Variants in CERS2 observed in about 807,000 individuals in gnomAD.
CERS2 encodes LAG1 homolog, ceramide synthase 2.
A neutral mutation model predicts 56.6 loss-of-function variants in CERS2; 20 were observed. That is an observed-to-expected ratio of 0.35 (90% CI 0.25 to 0.51). CERS2 has a LOEUF of 0.51. Ranked by LOEUF, CERS2 falls within the 20% of genes least tolerant of loss-of-function variation. The probability of loss-of-function intolerance (pLI) is 0.96; values close to 1 mark genes in which losing one functional copy is unlikely to be tolerated. For synonymous variants in CERS2, 187 were observed against 175.4 expected, an observed-to-expected ratio of 1.07 and a Z score of -0.52; for missense variants, 361 against 488.6, an observed-to-expected ratio of 0.74 and a Z score of 2.46.
intron 4 of CERS2, 41 bp from the exon 5 acceptor site, chr1:150,967,918 C>T (rs771969674): frequency 6.5e-7 from 1 of 1,537,620 alleles, no homozygotes; most frequent in Non-Finnish European, 9.0e-7. Context: ...GAGGATAGCA[C>T]AGTCCCCCAG....
intron 1 of CERS2, among the ~76,000 whole-genome samples, chr1:150,972,745 G>A (rs1671214131): frequency 6.6e-6 from 1 of 152,174 alleles, no homozygotes; most frequent in South Asian, 2.1e-4. Context: ...GGCTGGAGAG[G>A]GGCCAGAAGA....
intron 8 of CERS2, 29 bp from the exon 9 acceptor site, chr1:150,966,891 T>C: frequency 6.5e-7 from 1 of 1,548,166 alleles, no homozygotes; most frequent in Non-Finnish European, 8.9e-7. Context: ...TCCATCATCA[T>C]GGGCTCCTGA....
intron 1 of CERS2, among the ~76,000 whole-genome samples, chr1:150,972,594 T>A (rs587748628): frequency 1.3e-5 from 2 of 152,298 alleles, no homozygotes; most frequent in East Asian, 3.9e-4. Context: ...TTACTTGACT[T>A]CTTATGGAGA....
Position 150,966,035 on chromosome 1 carries a change from C to G in CERS2, c.*113G>C. 18 of 1,110,524 alleles carry G rather than the reference C, an allele frequency of 1.6e-5. No individual in the cohort carries two copies. Among genetic ancestry groups the G allele is most frequent in the Non-Finnish European group, 2.3e-5 (18 of 790,486 alleles). 68.8% of individuals were successfully genotyped at this position (1,110,524 alleles called of 1,614,324 possible). A position where few individuals can be genotyped will look rare whatever the true frequency, so the allele number is the denominator to read the frequency against. ...AAGCAAGGAGGGAGGATGCAGAGAA[C>G]TCTCCTCTCACTTTCTCCTTTTTCC... On this transcript the variant is annotated 3_prime_UTR_variant, in exon 11 of 11. Coordinates refer to ENST00000368954, the MANE Select transcript of CERS2 (RefSeq NM_022075.5).
rs918228022 is a variant in CERS2 at position 150,966,053 on chromosome 1, C to T, written c.*95G>A. 6.9e-6 allele frequency: 9 copies of T among 1,305,952 alleles called. No individual in the cohort carries two copies. Among genetic ancestry groups the T allele is most frequent in the Non-Finnish European group, 5.2e-6 (5 of 960,698 alleles). The allele number at this position is 1,305,952 out of a possible 1,614,324, so 80.9% of individuals were successfully genotyped here. On this transcript the variant is annotated 3_prime_UTR_variant, in exon 11 of 11. Transcript: ENST00000368954. ...CAGAGAACTCTCCTCTCACTTTCTC[C>T]TTTTTCCCCAGAGCTTAAAGTGACC...
At chr1:150,974,116 T>A (rs1173739716) in intron 1 of CERS2, 3 of 152,154 alleles carry the variant, frequency 2.0e-5, no homozygotes, top group Non-Finnish European at 4.4e-5. Flanking sequence ...GGTGGGCCGG[T>A]AGGAAGAAAA....
At chr1:150,969,644 T>A (rs145136482) in intron 1 of CERS2, among the ~76,000 whole-genome samples, 64 of 150,422 alleles carry the variant, frequency 4.3e-4, no homozygotes, top group Middle Eastern at 3.5e-3. Flanking sequence ...AAACTTGGGG[T>A]CCTTACAACC....
rs751511570 is a variant in CERS2 at position 150,968,462 on chromosome 1, C to T, written c.224G>A (p.Arg75Gln). 27 of 1,614,042 alleles carry T rather than the reference C, an allele frequency of 1.7e-5. No individual in the cohort carries two copies. The highest frequency in any genetic ancestry group is 2.2e-5 in the Non-Finnish European group (26 of 1,180,044). ...AALLNIKEKT[R>Q]LRAPPNATLE... The stretch of plus-strand genomic sequence containing the variant: ...GGTGGCGTTGGGAGGTGCCCGCAGC[C>T]GAGTTTTCTCCTTTATGTTCAAGAG... The change falls in exon 3 of 11, where the codon CGG (arginine) becomes CAG (glutamine). Residue 75 changes from arginine (R) to glutamine (Q), a missense_variant. This residue lies in a region of CERS2 where 236 missense variants were observed against 309.2 expected (regional missense o/e 0.76). Coordinates refer to ENST00000368954, the MANE Select transcript of CERS2 (RefSeq NM_022075.5).
intron 5 of CERS2, 25 bp downstream of exon 5, chr1:150,967,795 C>T: frequency 6.2e-7 from 1 of 1,611,784 alleles, no homozygotes; most frequent in Non-Finnish European, 8.5e-7. Flanking sequence ...GAACCTACTC[C>T]CACCTCCCAG....
Position 150,968,372 on chromosome 1 carries a change from CCAG to C in CERS2, c.291+20_291+22del, listed in dbSNP as rs1558032685. 1.9e-6 allele frequency: 3 copies of C among 1,579,036 alleles called. No homozygotes were observed. The highest frequency in any genetic ancestry group is 1.7e-5 in the Admixed American group (1 of 59,956). On this transcript the variant is annotated intron_variant, in intron 3 of 10. Coordinates refer to ENST00000368954, the MANE Select transcript of CERS2 (RefSeq NM_022075.5). Reference sequence around the variant, plus strand: ...CCACCAAACTCAGTGATTCCCAGAGCCAGAGCAGCATGCGGCTCATACCTGCTT... The same window carrying C: ...CCACCAAACTCAGTGATTCCCAGAGCAGCAGCATGCGGCTCATACCTGCTT...
chr1:150,968,652 G>C, intron 2 of CERS2, 140 bp from the exon 3 acceptor site: 2 of 754,256 alleles, frequency 2.7e-6, no homozygotes, highest in Non-Finnish European at 4.4e-6. Context: ...GCCCACAGCT[G>C]ACAAAGCTGC....
At position 150,966,073 on chromosome 1, in the gene CERS2, G is replaced by GT; in HGVS notation, c.*74dup. The GT allele has an allele frequency of 2.1e-6, 3 of 1,405,184 alleles. No homozygotes were observed. The highest frequency in any genetic ancestry group is 2.9e-6 in the Non-Finnish European group (3 of 1,034,548). The allele number at this position is 1,405,184 out of a possible 1,614,324, so 87.0% of individuals were successfully genotyped here. On this transcript the variant is annotated 3_prime_UTR_variant, in exon 11 of 11. Transcript: ENST00000368954. Reference sequence around the variant, plus strand: ...TTCTCCTTTTTCCCCAGAGCTTAAAGTGACCCTATAGCGCAGGGAGCGGGG... The same window carrying GT: ...TTCTCCTTTTTCCCCAGAGCTTAAAGTTGACCCTATAGCGCAGGGAGCGGGG...
At chr1:150,969,758 C>CT (rs1671131039) in intron 1 of CERS2, among the ~76,000 whole-genome samples, 2 of 152,038 alleles carry the variant, frequency 1.3e-5, no homozygotes, top group Admixed American at 6.6e-5. Flanking sequence ...AGCCAACAAT[C>CT]TGAGTAAAGT....
chr1:150,967,986 T>A (rs1671071158), intron 4 of CERS2, 97 bp downstream of exon 4: 3 of 1,368,240 alleles, frequency 2.2e-6, no homozygotes, highest in Non-Finnish European at 3.1e-6. Flanking sequence ...TGAATTCACC[T>A]CCTCACATCT....
At chr1:150,969,402 C>A (rs1054375645) in intron 1 of CERS2, 37 of 269,966 alleles carry the variant, frequency 1.4e-4, no homozygotes, top group Middle Eastern at 1.3e-3. Flanking sequence ...GGCGAAACCT[C>A]ATCTCTACTA....
At position 150,974,819 on chromosome 1, in the gene CERS2, A is replaced by T; in HGVS notation, c.-202T>A. 1 of 152,428 alleles carries T rather than the reference A, an allele frequency of 6.6e-6. No individual in the cohort carries two copies. The highest frequency in any genetic ancestry group is 1.5e-5 in the Non-Finnish European group (1 of 68,022). The allele number at this position is 152,428 out of a possible 1,614,324, so 9.4% of individuals were successfully genotyped here. ...CCGCCCGCCGAGCCCAGTCGAGCTG[A>T]GCCCGAGCCCAGCCGGGAAAAAAAG... On this transcript the variant is annotated 5_prime_UTR_variant, in exon 1 of 11. Transcript: ENST00000368954.
rs587633810 is a variant in CERS2, at chr1:150,968,643, C to T, written c.174-131G>A. 14 of 786,216 alleles carry T rather than the reference C, an allele frequency of 1.8e-5. No individual in the cohort carries two copies. The African/African-American group carries it at 2.2e-4, about 13-fold the overall frequency. The allele number at this position is 786,216 out of a possible 1,614,324, so 48.7% of individuals were successfully genotyped here. On this transcript the variant is annotated intron_variant, in intron 2 of 10. Coordinates refer to ENST00000368954, the MANE Select transcript of CERS2 (RefSeq NM_022075.5). ...CCCTTTTCTCTAGCCTCCAGGGCTG[C>T]CCACAGCTGACAAAGCTGCCTGTGT... is the stretch of plus-strand genomic sequence containing the variant.
Position 150,967,397 on chromosome 1 carries a change from G to A in CERS2, c.607C>T (p.Arg203Ter), listed in dbSNP as rs1464303489. Residue 203 changes from arginine to a stop codon, truncating the protein, a stop_gained, in exon 7 of 11, where the codon CGA (arginine) becomes TGA (stop). Transcript: ENST00000368954. LOFTEE classifies it high-confidence loss of function. The part of the protein sequence containing the change: ...LLFSIASDVK[R>*]KDFKEQIIHH... ...TGCACAACCCCTTCACCCACCTTTCGCTTGACATCAGAGGCAATGCTGAAG... is the reference window on the plus strand; with the variant it reads ...TGCACAACCCCTTCACCCACCTTTCACTTGACATCAGAGGCAATGCTGAAG... 3.8e-6 allele frequency: 6 copies of A among 1,591,100 alleles called. No individual in the cohort carries two copies. The highest frequency in any genetic ancestry group is 3.5e-6 in the Non-Finnish European group (4 of 1,159,284).
At position 150,966,878 on chromosome 1, in the gene CERS2, C is replaced by T; in HGVS notation, c.742-16G>A. 1.3e-6 allele frequency: 2 copies of T among 1,573,160 alleles called. No homozygotes were observed. Among genetic ancestry groups the T allele is most frequent in the Non-Finnish European group, 1.7e-6 (2 of 1,143,030 alleles). On this transcript the variant is annotated splice_polypyrimidine_tract_variant and intron_variant, in intron 8 of 10. Coordinates refer to ENST00000368954, the MANE Select transcript of CERS2 (RefSeq NM_022075.5). ...TCTTGGCTGACTGCATAGAGAGCCC[C>T]CATCCATCATCATGGGCTCCTGACT...
Sources: gnomAD v4.1 joint callset for allele counts (sites outside exome capture counted in the v4.1 genomes callset) on GRCh38, gnomAD v4.1.1 for gene constraint, gnomAD v4.1.1 regional missense constraint, MANE v1.5 for transcripts, NCBI Gene and HGNC (gene_info 2026-07-23, HGNC 2026-07-21) for gene names.